Variants in C1orf116 observed in about 807,000 individuals in gnomAD.
C1orf116 encodes the protein chromosome 1 open reading frame 116, also known as specifically androgen-regulated gene protein.
A neutral mutation model predicts 14.1 loss-of-function variants in C1orf116; 12 were observed. The ratio of observed to expected loss-of-function variants is 0.85; its 90% CI spans 0.54 to 1.38. The LOEUF is 1.38. C1orf116 is among the 40% of genes most tolerant of loss of function. C1orf116 has a pLI of 0.00. For synonymous variants in C1orf116, 296 were observed against 299.0 expected, an observed-to-expected ratio of 0.99 and a Z score of 0.10; for missense variants, 797 against 747.0, an observed-to-expected ratio of 1.07 and a Z score of -0.78.
rs1558042924 is a variant in C1orf116, at chr1:207,022,300, G to A, written c.1464C>T (p.Gly488=). The A allele has an allele frequency of 4.3e-6, 7 of 1,613,830 alleles. No homozygotes were observed. Among genetic ancestry groups the A allele is most frequent in the Non-Finnish European group, 2.5e-6 (3 of 1,179,882 alleles). Residue 488 remains glycine, a synonymous_variant, in exon 4 of 4, where the codon GGC becomes GGT. Transcript: ENST00000359470. ...TTGAAAGGTAGCTGCTCAGTCCCAC[G>A]CCTGAGCGCTCCAGAGTGTTGGACT... ...NFKSNTLERS[G]VGLSSYLSTE...
rs551306826 is a variant in C1orf116 at position 207,027,593 on chromosome 1, G to A, written c.6C>T (p.Pro2=). 23 of 1,612,272 alleles carry A rather than the reference G, an allele frequency of 1.4e-5. No homozygotes were observed. Among genetic ancestry groups the A allele is most frequent in the East Asian group, 4.5e-5 (2 of 44,870 alleles). M[P]ERELWPAGTG... is the part of the protein sequence containing the mutation. Reference sequence around the variant, plus strand: ...TCCCCGCTGGCCACAGCTCCCTCTCGGGCATCACCCGAAACAAGGTGCAGG... The same window carrying A: ...TCCCCGCTGGCCACAGCTCCCTCTCAGGCATCACCCGAAACAAGGTGCAGG... The change falls in exon 2 of 4, where the codon CCC becomes CCT. Residue 2 remains proline (P), a synonymous_variant. Transcript: ENST00000359470.
At chr1:207,024,211 C>T (rs1681983313) in intron 3 of C1orf116, among the ~76,000 whole-genome samples, 1 of 152,212 alleles carries the variant, frequency 6.6e-6, no homozygotes, top group African/African-American at 2.4e-5. Flanking sequence ...CCCTACGTCC[C>T]CATTTATAGC....
rs756200450 is a variant in C1orf116 at position 207,025,084 on chromosome 1, G to T, written c.106-20C>A. ...ATCACTCTGTTGGGTTTGGGGTTGG[G>T]GGCGGGGGCGGGGAGGCGGGGGGGA... On this transcript the variant is annotated intron_variant, in intron 2 of 3. Coordinates refer to ENST00000359470, the MANE Select transcript of C1orf116 (RefSeq NM_023938.6). The T allele has an allele frequency of 1.7e-6, 2 of 1,173,348 alleles. No homozygotes were observed. Among genetic ancestry groups the T allele is most frequent in the South Asian group, 1.4e-5 (1 of 71,910 alleles). The allele number at this position is 1,173,348 out of a possible 1,614,324, so 72.7% of individuals were successfully genotyped here.
intron 1 of C1orf116, among the ~76,000 whole-genome samples, chr1:207,029,096 G>C (rs1213370993): frequency 6.6e-6 from 1 of 152,090 alleles, no homozygotes; most frequent in South Asian, 2.1e-4. Context: ...GGTTGGGTGA[G>C]TCAGCTTTCC....
At chr1:207,031,466 G>A (rs1039465931) in intron 1 of C1orf116, among the ~76,000 whole-genome samples, 1 of 152,160 alleles carries the variant, frequency 6.6e-6, no homozygotes, top group Non-Finnish European at 1.5e-5. Flanking sequence ...ATCTCCAGTT[G>A]CCAGGACTGG....
intron 2 of C1orf116, 69 bp from the exon 3 acceptor site, chr1:207,025,133 GGA>G: frequency 8.7e-7 from 1 of 1,153,184 alleles, no homozygotes; most frequent in Non-Finnish European, 1.2e-6. Context: ...AACAGGAGAG[GGA>G]GAGAGAGCTG....
In C1orf116 at chr1:207,022,479, A is replaced by T. The variant is rs1266917800; in HGVS notation, c.1285T>A (p.Ser429Thr). 1.2e-6 allele frequency: 2 copies of T among 1,614,002 alleles called. No individual in the cohort carries two copies. Among genetic ancestry groups the T allele is most frequent in the East Asian group, 2.2e-5 (1 of 44,872 alleles). The change falls in exon 4 of 4, where the codon TCT (serine) becomes ACT (threonine). Residue 429 changes from serine to threonine, a missense_variant. Coordinates refer to ENST00000359470, the MANE Select transcript of C1orf116 (RefSeq NM_023938.6). The part of the protein sequence containing the change: ...GPAQGPLPMK[S>T]PAPGNVAASK... ...GCTGCAACATTGCCTGGAGCTGGAGACTTCATTGGCAAAGGTCCCTGAGCT... is the reference window on the plus strand; with the variant it reads ...GCTGCAACATTGCCTGGAGCTGGAGTCTTCATTGGCAAAGGTCCCTGAGCT...
chr1:207,030,781 T>G (rs1170433256), intron 1 of C1orf116, among the ~76,000 whole-genome samples: 1 of 152,196 alleles, frequency 6.6e-6, no homozygotes, highest in East Asian at 1.9e-4. Flanking sequence ...ATCTTAACCC[T>G]TGACCTCTTT....
Position 207,027,559 on chromosome 1 carries a change from C to T in C1orf116, c.40G>A (p.Glu14Lys). ...CAGCTGCCGACACGGGTCACGGGTT[C>T]TGAGCCAGTCCCCGCTGGCCACAGC... ...RELWPAGTGS[E>K]PVTRVGSCDS... is the part of the protein sequence containing the mutation. Residue 14 changes from glutamate (E) to lysine (K), a missense_variant, in exon 2 of 4, where the codon GAA becomes AAA. Transcript: ENST00000359470. 6.2e-7 allele frequency: 1 copy of T among 1,613,684 alleles called. No homozygotes were observed. The highest frequency in any genetic ancestry group is 1.6e-4 in the Middle Eastern group (1 of 6,062).
At position 207,022,625 on chromosome 1, in the gene C1orf116, C is replaced by A. The variant is rs201107440; in HGVS notation, c.1139G>T (p.Arg380Leu). 7.4e-6 allele frequency: 12 copies of A among 1,613,968 alleles called. No individual in the cohort carries two copies. Among genetic ancestry groups the A allele is most frequent in the Non-Finnish European group, 9.3e-6 (11 of 1,180,034 alleles). ...TGGAGCTGGGGACAGATGCTGGGCCCGTGTCTCCTTGGGTCTGATGGAGCT... is the reference window on the plus strand; with the variant it reads ...TGGAGCTGGGGACAGATGCTGGGCCAGTGTCTCCTTGGGTCTGATGGAGCT... ...PTSSIRPKET[R>L]AQHLSPAPGL... Residue 380 changes from arginine (R) to leucine (L), a missense_variant, in exon 4 of 4, where the codon CGG (arginine) becomes CTG (leucine). Physicochemically the swap from Arg to Leu is moderately radical, Grantham distance 102. Transcript: ENST00000359470.
Position 207,023,287 on chromosome 1 carries a change from T to C in C1orf116, c.477A>G (p.Gly159=). 6.2e-7 allele frequency: 1 copy of C among 1,614,140 alleles called. No individual in the cohort carries two copies. Among genetic ancestry groups the C allele is most frequent in the Non-Finnish European group, 8.5e-7 (1 of 1,179,970 alleles). ...GCTCTGGCGCAAGCCTCCCCGGTTC[T>C]CCAGGGTTGTGACTGCTAGCCTGGG... ...STTQASSHNP[G]EPGRLAPEPE... The change falls in exon 4 of 4, where the codon GGA becomes GGG. Residue 159 remains glycine (G), a synonymous_variant. Coordinates refer to ENST00000359470, the MANE Select transcript of C1orf116 (RefSeq NM_023938.6).
chr1:207,021,657 CAA>C lies in C1orf116; in HGVS notation c.*299_*300del. The stretch of plus-strand genomic sequence containing the variant: ...CTACCCAATGTAAGAAAACATCTAA[CAA>C]GAGCAAAATTCTGAACAGTGACTCA... On this transcript the variant is annotated 3_prime_UTR_variant, in exon 4 of 4. Transcript: ENST00000359470. 1 of 245,138 alleles carries C rather than the reference CAA, an allele frequency of 4.1e-6. No individual in the cohort carries two copies. Among genetic ancestry groups the C allele is most frequent in the Non-Finnish European group, 7.8e-6 (1 of 127,922 alleles). 15.2% of individuals were successfully genotyped at this position (245,138 alleles called of 1,614,324 possible).
In C1orf116 at chr1:207,025,050, G is replaced by A. The variant is rs771633554; in HGVS notation, c.120C>T (p.Tyr40=). The stretch of plus-strand genomic sequence containing the variant: ...CCTTCTCTTCAGTGGACAGGAAGTC[G>A]TAGCTGCTATCACTCTGTTGGGTTT... The part of the protein sequence containing the change: ...STRSGSSDSS[Y]DFLSTEEKEC... Residue 40 remains tyrosine (Y), a synonymous_variant, in exon 3 of 4, where the codon TAC becomes TAT. Coordinates refer to ENST00000359470, the MANE Select transcript of C1orf116 (RefSeq NM_023938.6). 8.8e-6 allele frequency: 12 copies of A among 1,365,152 alleles called. No individual in the cohort carries two copies. Among genetic ancestry groups the A allele is most frequent in the South Asian group, 4.6e-5 (4 of 87,600 alleles). 84.6% of individuals were successfully genotyped at this position (1,365,152 alleles called of 1,614,324 possible).
rs1304754227 is a variant in C1orf116, at chr1:207,019,365, T to C, written c.*2593A>G. On this transcript the variant is annotated 3_prime_UTR_variant, in exon 4 of 4. Transcript: ENST00000359470. ...AGGCTATGGCAGGGTATAGCAGAGA[T>C]CTAAGGCCAAGTGGAAGTAGAGCTG... The C allele has an allele frequency of 6.6e-6, 1 of 152,196 alleles. No homozygotes were observed. The highest frequency in any genetic ancestry group is 2.4e-5 in the African/African-American group (1 of 41,442). The allele number at this position is 152,196 out of a possible 1,614,324, so 9.4% of individuals were successfully genotyped here.
chr1:207,025,101 C>A (rs544240521), intron 2 of C1orf116, 37 bp from the exon 3 acceptor site: 1 of 4,244 alleles, frequency 2.4e-4, no homozygotes, highest in African/African-American at 2.0e-3. Context: ...GGCGGGGAGG[C>A]GGGGGGGAGG....
At position 207,019,027 on chromosome 1, in the gene C1orf116, C is replaced by T. The variant is rs2102292702; in HGVS notation, c.*2931G>A. On this transcript the variant is annotated 3_prime_UTR_variant, in exon 4 of 4. Transcript: ENST00000359470. ...ACCTGCTCTTCAATCTTTCACCTCC[C>T]CTTTCTCCATGAAACGAACGTCAAC... 1 of 152,490 alleles carries T rather than the reference C, an allele frequency of 6.6e-6. No homozygotes were observed. Among genetic ancestry groups the T allele is most frequent in the South Asian group, 2.1e-4 (1 of 4,840 alleles). The allele number at this position is 152,490 out of a possible 1,614,324, so 9.4% of individuals were successfully genotyped here.
chr1:207,031,406 CTG>C (rs1238235794), intron 1 of C1orf116, among the ~76,000 whole-genome samples: 1 of 152,130 alleles, frequency 6.6e-6, no homozygotes, highest in African/African-American at 2.4e-5. Flanking sequence ...AGCCCTCAGT[CTG>C]TGAGTGTGGG....
rs1288975847 is a variant in C1orf116 at position 207,020,407 on chromosome 1, A to T, written c.*1551T>A. 2 of 152,216 alleles carry T rather than the reference A, an allele frequency of 1.3e-5. No individual in the cohort carries two copies. The highest frequency in any genetic ancestry group is 2.9e-5 in the Non-Finnish European group (2 of 68,070). The allele number at this position is 152,216 out of a possible 1,614,324, so 9.4% of individuals were successfully genotyped here. A position where few individuals can be genotyped will look rare whatever the true frequency, so the allele number is the denominator to read the frequency against. ...CAGCCTTAAAAGGCACCTTTCCAGC[A>T]ACATTCCCTTCATCTGCCCCTCACA... On this transcript the variant is annotated 3_prime_UTR_variant, in exon 4 of 4. Transcript: ENST00000359470.
intron 3 of C1orf116, among the ~76,000 whole-genome samples, chr1:207,024,372 T>C (rs1681987645): frequency 6.6e-6 from 1 of 152,206 alleles, no homozygotes; most frequent in Non-Finnish European, 1.5e-5. Context: ...ATGGCCACAC[T>C]TGTGTGTTGT....
Sources: allele counts gnomAD v4.1 joint callset (sites outside exome capture counted in the v4.1 genomes callset), GRCh38; gene constraint gnomAD v4.1.1; transcripts MANE v1.5; gene names NCBI Gene and HGNC (gene_info 2026-07-23, HGNC 2026-07-21).